The following TUSC3 variants were observed in gnomAD, a reference collection of about 807,000 sequenced individuals.
TUSC3 encodes the protein dolichyl-diphosphooligosaccharide--protein glycosyltransferase subunit TUSC3.
Under a neutral mutation model 44.8 loss-of-function variants are expected in TUSC3, and 45 were observed. The observed-to-expected ratio is 1.00, with a 90% CI of 0.79 to 1.29. The LOEUF (loss-of-function observed/expected upper bound fraction) is 1.29, where lower values mean the gene tolerates loss of function less well. Among genes scored for constraint, TUSC3 ranks in the 50% most tolerant of loss-of-function variants. TUSC3 has a pLI of 0.00. For synonymous variants in TUSC3, 212 were observed against 152.9 expected (o/e 1.39, Z -2.85); for missense variants, 519 against 437.9 (o/e 1.19, Z -1.65).
chr8:15,606,610 C>G (rs1475476031), intron 1 of TUSC3, among the ~76,000 whole-genome samples: 3 of 152,036 alleles, frequency 2.0e-5, no homozygotes, highest in Non-Finnish European at 2.9e-5. Context: ...ATAATACTGT[C>G]TTGTTTCATA....
At chr8:15,518,560 G>T (rs1362895381) in intron 2 of TUSC3, among the ~76,000 whole-genome samples, 1 of 152,070 alleles carries the variant, frequency 6.6e-6, no homozygotes, top group African/African-American at 2.4e-5. Context: ...TTCTCCTTAT[G>T]AAAATACAAT....
intron 2 of TUSC3, among the ~76,000 whole-genome samples, chr8:15,483,874 G>A (rs940456524): frequency 2.8e-5 from 4 of 143,924 alleles, no homozygotes; most frequent in African/African-American, 1.0e-4. Context: ...AGCCAGGGTG[G>A]TCTCGATCTC....
chr8:15,592,112 G>A (rs2129150723), intron 1 of TUSC3, among the ~76,000 whole-genome samples: 1 of 152,262 alleles, frequency 6.6e-6, no homozygotes, highest in South Asian at 2.1e-4. Flanking sequence ...GATGAGGAAG[G>A]AAGGTAATGG....
chr8:15,701,353 T>C lies in TUSC3; in HGVS notation c.798+27517T>C, dbSNP rs1325872469. On this transcript the variant is annotated intron_variant, in intron 6 of 10. Coordinates refer to ENST00000503731, the MANE Select transcript of TUSC3 (RefSeq NM_006765.4). The stretch of plus-strand genomic sequence containing the variant: ...AGTTCCCATAAAATGAATCACATAG[T>C]ATGTGTCTGGATAGTTTTACTTAAC... Among the ~76,000 whole-genome samples the C allele has an allele frequency of 5.9e-5, 9 of 152,260 alleles. No homozygotes were observed. The East Asian group carries it at 1.2e-3, about 20-fold the overall frequency.
chr8:15,791,565 C>G, the TUSC3 span, among the ~76,000 whole-genome samples: 5 of 152,106 alleles, frequency 3.3e-5, no homozygotes, highest in African/African-American at 1.2e-4. Flanking sequence ...CCATCATTGG[C>G]CAGCTCTGTT....
intron 2 of TUSC3, among the ~76,000 whole-genome samples, chr8:15,504,137 C>G (rs1004875011): frequency 2.6e-5 from 4 of 151,902 alleles, no homozygotes; most frequent in African/African-American, 9.7e-5. Context: ...GCCATGAATA[C>G]AATAGGGTAG....
intron 1 of TUSC3, among the ~76,000 whole-genome samples, chr8:15,547,636 A>C (rs890266085): frequency 4.8e-5 from 7 of 145,638 alleles, no homozygotes; most frequent in Non-Finnish European, 7.7e-5. Context: ...TTATAGGTTG[A>C]AATCCTAACT....
At chr8:15,655,398 T>C (rs1166792420) in intron 3 of TUSC3, among the ~76,000 whole-genome samples, 1 of 152,304 alleles carries the variant, frequency 6.6e-6, no homozygotes, top group East Asian at 1.9e-4. Flanking sequence ...GTAAACACAC[T>C]GTGCATACGG....
chr8:15,602,664 ATATG>A (rs908322677), intron 1 of TUSC3, among the ~76,000 whole-genome samples: 28 of 102,324 alleles, frequency 2.7e-4, no homozygotes, highest in Non-Finnish European at 5.8e-4. Flanking sequence ...TAAAATATTT[ATATG>A]TGTGTGTGTG....
intron 6 of TUSC3, among the ~76,000 whole-genome samples, chr8:15,729,046 CTGT>C (rs1810609622): frequency 6.6e-6 from 1 of 152,102 alleles, no homozygotes; most frequent in Non-Finnish European, 1.5e-5. Flanking sequence ...AGAGAAGATA[CTGT>C]TACTGAAAAT....
chr8:15,598,348 A>C (rs535490090), intron 1 of TUSC3, among the ~76,000 whole-genome samples: 1 of 152,048 alleles, frequency 6.6e-6, no homozygotes, highest in East Asian at 1.9e-4. Context: ...AGTTGAGAGG[A>C]AAGTACAGAG....
intron 6 of TUSC3, among the ~76,000 whole-genome samples, chr8:15,720,198 A>ATC (rs1401919018): frequency 7.9e-6 from 1 of 125,838 alleles, no homozygotes; most frequent in African/African-American, 3.7e-5. Context: ...GTGTATATAT[A>ATC]TATACACACA....
intron 6 of TUSC3, among the ~76,000 whole-genome samples, chr8:15,691,729 A>AT (rs960825886): frequency 2.6e-5 from 4 of 151,424 alleles, no homozygotes; most frequent in Non-Finnish European, 2.9e-5. Context: ...GGAATATTGA[A>AT]TTTTTTTTTG....
At chr8:15,571,577 T>C (rs1362630996) in intron 1 of TUSC3, among the ~76,000 whole-genome samples, 1 of 152,186 alleles carries the variant, frequency 6.6e-6, no homozygotes, top group East Asian at 1.9e-4. Flanking sequence ...TGTTGATGGC[T>C]ACTGACCAAT....
chr8:15,837,625 C>T, the TUSC3 span, among the ~76,000 whole-genome samples: 5 of 152,206 alleles, frequency 3.3e-5, no homozygotes, highest in East Asian at 5.8e-4. Context: ...ATCTGCCAGC[C>T]GAACTCACAT....
the TUSC3 span, among the ~76,000 whole-genome samples, chr8:15,787,764 G>A: frequency 6.6e-5 from 10 of 152,260 alleles, no homozygotes; most frequent in South Asian, 4.1e-4. Context: ...GAAAGTGTCC[G>A]TGACAATATA....
At chr8:15,788,103 C>T in the TUSC3 span, among the ~76,000 whole-genome samples, 3 of 152,148 alleles carry the variant, frequency 2.0e-5, no homozygotes, top group African/African-American at 4.8e-5. Flanking sequence ...AGGGCTTTAA[C>T]AGACTATGGC....
At chr8:15,795,340 A>G in the TUSC3 span, among the ~76,000 whole-genome samples, 1 of 152,182 alleles carries the variant, frequency 6.6e-6, no homozygotes, top group Admixed American at 6.5e-5. Context: ...AGTGAGCTGA[A>G]ACTGATTTTA....
the TUSC3 span, among the ~76,000 whole-genome samples, chr8:15,811,742 A>G: frequency 6.6e-6 from 1 of 152,188 alleles, no homozygotes; most frequent in African/African-American, 2.4e-5. Context: ...TTAAATTTTA[A>G]AGCTTATAGT....
Sources: allele counts gnomAD v4.1 joint callset (sites outside exome capture counted in the v4.1 genomes callset), GRCh38; gene constraint gnomAD v4.1.1; transcripts MANE v1.5; gene names NCBI Gene and HGNC (gene_info 2026-07-23, HGNC 2026-07-21).